Variants in GPR89B observed in about 807,000 individuals in gnomAD.
The protein encoded by GPR89B is golgi pH regulator B.
GPR89B carries 25 observed loss-of-function variants against 52.4 expected under a neutral mutation model. The ratio of observed to expected loss-of-function variants is 0.48; its 90% CI spans 0.35 to 0.67. The LOEUF (loss-of-function observed/expected upper bound fraction) is 0.67, where lower values mean the gene tolerates loss of function less well. Ranked by LOEUF, GPR89B falls within the 30% of genes least tolerant of loss-of-function variation. The probability of loss-of-function intolerance (pLI) is 0.01; values close to 1 mark genes in which losing one functional copy is unlikely to be tolerated. For synonymous variants in GPR89B, 52 were observed against 151.2 expected (o/e 0.34, Z 4.81); for missense variants, 146 against 450.2 (o/e 0.32, Z 6.11).
intron 3 of GPR89B, among the ~76,000 whole-genome samples, chr1:147,940,141 C>T (rs1253270725): frequency 6.6e-6 from 1 of 151,946 alleles, no homozygotes; most frequent in African/African-American, 2.4e-5. Context: ...CGGTGGCTCA[C>T]GCCTGTAATC....
At position 147,993,521 on chromosome 1, in the gene GPR89B, A is replaced by G. The variant is rs1223308982; in HGVS notation, c.*604A>G. 1.9e-4 allele frequency: 32 copies of G among 169,608 alleles called. No individual in the cohort carries two copies. The highest frequency in any genetic ancestry group is 3.7e-4 in the Non-Finnish European group (29 of 77,514). The allele number at this position is 169,608 out of a possible 1,614,324, so 10.5% of individuals were successfully genotyped here. A position where few individuals can be genotyped will look rare whatever the true frequency, so the allele number is the denominator to read the frequency against. ...CACCTGAAATAGATTTTACCAAAAG[A>G]GAGATTTCAGTTATGTCATTTTTTC... On this transcript the variant is annotated 3_prime_UTR_variant, in exon 14 of 14. Transcript: ENST00000314163.
chr1:147,986,391 G>A (rs1317341805), intron 11 of GPR89B, 97 bp downstream of exon 11: 1 of 1,501,706 alleles, frequency 6.7e-7, no homozygotes. Flanking sequence ...TTAGGTACTT[G>A]CTTCTGCTTT....
chr1:147,950,262 C>T (rs1166700913), intron 5 of GPR89B, among the ~76,000 whole-genome samples: 13 of 150,940 alleles, frequency 8.6e-5, no homozygotes, highest in East Asian at 8.0e-4. Flanking sequence ...GACAGGGTCG[C>T]GGCCGGGTAG....
chr1:148,020,032 T>G, the GPR89B span, among the ~76,000 whole-genome samples: 3 of 151,628 alleles, frequency 2.0e-5, no homozygotes, highest in Non-Finnish European at 4.4e-5. Flanking sequence ...CTTTTCATAC[T>G]CGAGTTCCTG....
chr1:147,977,004 G>A (rs1303655488), intron 10 of GPR89B, among the ~76,000 whole-genome samples: 5 of 151,668 alleles, frequency 3.3e-5, no homozygotes, highest in Admixed American at 3.3e-4. Flanking sequence ...GGAGGCCGAG[G>A]CGGGCAGATC....
At chr1:148,004,380 T>C in the GPR89B span, among the ~76,000 whole-genome samples, 1 of 150,730 alleles carries the variant, frequency 6.6e-6, no homozygotes, top group Non-Finnish European at 1.5e-5. Context: ...TTAGCCAGGA[T>C]GGTCTCGATC....
chr1:147,949,518 C>T (rs587687976), intron 5 of GPR89B, among the ~76,000 whole-genome samples: 3 of 125,944 alleles, frequency 2.4e-5, no homozygotes, highest in Admixed American at 7.4e-5. Flanking sequence ...CCAGTAGGGG[C>T]GGCCGGGCAG....
chr1:148,013,435 C>G, the GPR89B span, among the ~76,000 whole-genome samples: 10 of 152,162 alleles, frequency 6.6e-5, no homozygotes, highest in East Asian at 1.9e-3. Context: ...CAAGACCCTC[C>G]GAAGGAGCAT....
intron 7 of GPR89B, among the ~76,000 whole-genome samples, chr1:147,965,837 T>A (rs1325436576): frequency 6.6e-6 from 1 of 151,994 alleles, no homozygotes; most frequent in Non-Finnish European, 1.5e-5. Flanking sequence ...GCTGTTTTTT[T>A]TTGTTTGTTT....
chr1:147,950,871 G>A (rs371303167), intron 5 of GPR89B, among the ~76,000 whole-genome samples: 3 of 152,114 alleles, frequency 2.0e-5, no homozygotes, highest in South Asian at 2.1e-4. Context: ...GCAGTGAGCC[G>A]AGATGGCAGC....
chr1:147,997,146 A>G (rs1659333500), downstream of GPR89B, among the ~76,000 whole-genome samples: 1 of 152,190 alleles, frequency 6.6e-6, no homozygotes, highest in Non-Finnish European at 1.5e-5. Context: ...TGCAGAGTAC[A>G]TTCTTCTGGC....
the GPR89B span, among the ~76,000 whole-genome samples, chr1:148,017,191 G>T: frequency 2.0e-5 from 3 of 151,562 alleles, no homozygotes; most frequent in South Asian, 2.1e-4. Context: ...ACAGGTGCGT[G>T]CCAGGACACC....
chr1:148,021,129 G>T, the GPR89B span, among the ~76,000 whole-genome samples: 4 of 151,912 alleles, frequency 2.6e-5, no homozygotes, highest in African/African-American at 9.7e-5. Context: ...GCAATACAAA[G>T]AGGTACCTGG....
chr1:147,931,293 T>A (rs1321311187), intron 1 of GPR89B, among the ~76,000 whole-genome samples: 3 of 152,196 alleles, frequency 2.0e-5, no homozygotes, highest in African/African-American at 7.2e-5. Context: ...AGTCACTTTT[T>A]AAAAAGCAAC....
intron 10 of GPR89B, among the ~76,000 whole-genome samples, chr1:147,982,075 A>G (rs1397557528): frequency 6.8e-6 from 1 of 147,010 alleles, no homozygotes; most frequent in Non-Finnish European, 1.5e-5. Context: ...TTATTTATTT[A>G]CTGAGGTGGA....
intron 5 of GPR89B, among the ~76,000 whole-genome samples, chr1:147,946,664 C>T (rs1466024175): frequency 6.6e-6 from 1 of 152,136 alleles, no homozygotes; most frequent in Non-Finnish European, 1.5e-5. Flanking sequence ...TGACACCTTT[C>T]TCCAGCTTTC....
chr1:147,980,829 A>G (rs1658188389), intron 10 of GPR89B, among the ~76,000 whole-genome samples: 1 of 147,382 alleles, frequency 6.8e-6, no homozygotes, highest in Non-Finnish European at 1.5e-5. Context: ...AAAAAAAAAA[A>G]AAAAAAAAAA....
rs1657231193 is a variant in GPR89B, at chr1:147,968,970, A to G, written c.816+7A>G. On this transcript the variant is annotated splice_region_variant and intron_variant, in intron 9 of 13. Transcript: ENST00000314163. ...TGATCTATATGCTACCAAGGTACAGAGCAAGGAAACTGAAGTGTGGTTTTT... is the reference window on the plus strand; with the variant it reads ...TGATCTATATGCTACCAAGGTACAGGGCAAGGAAACTGAAGTGTGGTTTTT... 3.8e-6 allele frequency: 6 copies of G among 1,593,050 alleles called. No homozygotes were observed. The Admixed American group carries it at 5.2e-5, about 14-fold the overall frequency.
At chr1:147,955,545 T>C (rs1315546942) in intron 7 of GPR89B, among the ~76,000 whole-genome samples, 51 of 152,208 alleles carry the variant, frequency 3.4e-4, no homozygotes, top group African/African-American at 1.1e-3. Flanking sequence ...GGTTTCCTTT[T>C]CTCAGCATCC....
Sources: allele counts gnomAD v4.1 joint callset (sites outside exome capture counted in the v4.1 genomes callset), GRCh38; gene constraint gnomAD v4.1.1; transcripts MANE v1.5; gene names NCBI Gene and HGNC (gene_info 2026-07-23, HGNC 2026-07-21).